FUT9: variants seen among roughly 807,000 people sequenced by gnomAD.
The protein encoded by FUT9 is 4-galactosyl-N-acetylglucosaminide 3-alpha-L-fucosyltransferase 9.
FUT9 carries 15 observed loss-of-function variants against 29.7 expected under a neutral mutation model. The observed-to-expected ratio is 0.51, with a 90% CI of 0.34 to 0.78. The LOEUF (loss-of-function observed/expected upper bound fraction) is 0.78. Ranked by LOEUF, FUT9 falls within the 30% of genes least tolerant of loss-of-function variation. The pLI is 0.01. For missense variants in FUT9, 319 were observed against 425.4 expected (o/e 0.75, Z 2.20); for synonymous variants, 169 against 153.7 (o/e 1.10, Z -0.74).
chr6:96,029,273 C>G (rs568159459), intron 1 of FUT9, among the ~76,000 whole-genome samples: 1 of 151,558 alleles, frequency 6.6e-6, no homozygotes, highest in Non-Finnish European at 1.5e-5. Context: ...TTTAGAAACT[C>G]TGGTAATCCC....
At chr6:96,186,534 T>G (rs10457975) in intron 2 of FUT9, among the ~76,000 whole-genome samples, 138,626 of 152,000 alleles carry the variant, frequency 0.91, 64,574 homozygotes, top group Non-Finnish European at 1. Context: ...GAACCAACAG[T>G]AAAGAGATTT....
chr6:96,052,662 A>C (rs1288838853), intron 1 of FUT9, among the ~76,000 whole-genome samples: 1 of 152,212 alleles, frequency 6.6e-6, no homozygotes, highest in Admixed American at 6.5e-5. Flanking sequence ...GAATTTTCCA[A>C]TGGAACTAAC....
At chr6:96,153,602 C>G (rs758442444) in intron 2 of FUT9, among the ~76,000 whole-genome samples, 4 of 152,122 alleles carry the variant, frequency 2.6e-5, no homozygotes, top group Non-Finnish European at 5.9e-5. Context: ...GTATCTGAAT[C>G]AAGATAATGA....
At chr6:96,087,656 C>T (rs554246392) in intron 1 of FUT9, among the ~76,000 whole-genome samples, 6 of 152,262 alleles carry the variant, frequency 3.9e-5, no homozygotes, top group South Asian at 2.1e-4. Context: ...TGAGCCACCA[C>T]GTCCGGCCTT....
chr6:96,035,665 T>A (rs866791657), intron 1 of FUT9, among the ~76,000 whole-genome samples: 1 of 102,010 alleles, frequency 9.8e-6, no homozygotes. Context: ...AATATAATAT[T>A]ATATTAAAAT....
intron 1 of FUT9, among the ~76,000 whole-genome samples, chr6:96,062,628 T>A (rs139320550): frequency 2.6e-5 from 4 of 152,070 alleles, no homozygotes; most frequent in Non-Finnish European, 5.9e-5. Context: ...GGAGGGAGGA[T>A]AGGATGGAGA....
At chr6:96,134,272 C>T (rs891467322) in intron 2 of FUT9, among the ~76,000 whole-genome samples, 23 of 151,660 alleles carry the variant, frequency 1.5e-4, no homozygotes, top group African/African-American at 5.1e-4. Context: ...ATTTTTTTCA[C>T]AAAATGAAAT....
intron 1 of FUT9, among the ~76,000 whole-genome samples, chr6:96,089,999 T>G (rs960570474): frequency 1.3e-5 from 2 of 152,124 alleles, no homozygotes; most frequent in Non-Finnish European, 2.9e-5. Context: ...ATAGGAAGAC[T>G]TGACAAAAAT....
intron 2 of FUT9, among the ~76,000 whole-genome samples, chr6:96,154,455 G>A (rs1192223602): frequency 2.0e-5 from 3 of 152,122 alleles, no homozygotes; most frequent in Non-Finnish European, 4.4e-5. Context: ...AGGCATAAAA[G>A]TAAACATGTT....
At chr6:96,130,163 A>G (rs1298637387) in intron 2 of FUT9, among the ~76,000 whole-genome samples, 1 of 152,098 alleles carries the variant, frequency 6.6e-6, no homozygotes, top group Non-Finnish European at 1.5e-5. Flanking sequence ...TTTACTTGAC[A>G]AGTAAAAAGA....
At chr6:96,168,292 A>G (rs1773050779) in intron 2 of FUT9, among the ~76,000 whole-genome samples, 1 of 152,210 alleles carries the variant, frequency 6.6e-6, no homozygotes. Context: ...CTGGAGATAC[A>G]TAATTGGTAA....
intron 1 of FUT9, among the ~76,000 whole-genome samples, chr6:96,083,722 A>T (rs1380006859): frequency 6.6e-6 from 1 of 152,032 alleles, no homozygotes; most frequent in Non-Finnish European, 1.5e-5. Context: ...TGACTGCCAG[A>T]TCCTCCACAT....
At chr6:96,110,423 A>G (rs1322475357) in intron 1 of FUT9, among the ~76,000 whole-genome samples, 3 of 152,156 alleles carry the variant, frequency 2.0e-5, no homozygotes, top group Admixed American at 6.6e-5. Flanking sequence ...CTTGACTGCT[A>G]CTTGGGATCC....
intron 1 of FUT9, among the ~76,000 whole-genome samples, chr6:96,075,267 A>C (rs1233753216): frequency 6.6e-6 from 1 of 152,166 alleles, no homozygotes; most frequent in Admixed American, 6.5e-5. Context: ...ATAATAGTGA[A>C]GACTTTAAAC....
At chr6:96,126,410 C>T (rs1772134682) in intron 2 of FUT9, among the ~76,000 whole-genome samples, 1 of 152,190 alleles carries the variant, frequency 6.6e-6, no homozygotes, top group South Asian at 2.1e-4. Context: ...AGGCACCAAA[C>T]AGTTCATGAG....
At chr6:96,050,318 T>A (rs1284282091) in intron 1 of FUT9, among the ~76,000 whole-genome samples, 3 of 152,218 alleles carry the variant, frequency 2.0e-5, no homozygotes, top group African/African-American at 7.2e-5. Flanking sequence ...TAGTTTAAGA[T>A]GTTAAAATCA....
At chr6:96,157,269 G>A (rs1009132112) in intron 2 of FUT9, among the ~76,000 whole-genome samples, 1 of 152,160 alleles carries the variant, frequency 6.6e-6, no homozygotes, top group African/African-American at 2.4e-5. Flanking sequence ...TGACACCTCA[G>A]AGTCTGTTAC....
At chr6:96,042,038 A>G (rs1311134577) in intron 1 of FUT9, among the ~76,000 whole-genome samples, 1 of 152,112 alleles carries the variant, frequency 6.6e-6, no homozygotes, top group Non-Finnish European at 1.5e-5. Context: ...TGGAATAGAA[A>G]CCATCCTATA....
intron 1 of FUT9, among the ~76,000 whole-genome samples, chr6:96,038,877 A>G (rs780292176): frequency 1.3e-5 from 2 of 152,006 alleles, no homozygotes; most frequent in Admixed American, 6.6e-5. Flanking sequence ...GCTCTTCTTT[A>G]GCTTATGCTT....
Sources: allele counts gnomAD v4.1 joint callset (sites outside exome capture counted in the v4.1 genomes callset), GRCh38; gene constraint gnomAD v4.1.1; transcripts MANE v1.5; gene names NCBI Gene and HGNC (gene_info 2026-07-23, HGNC 2026-07-21).